The following ADAM17 variants were observed in gnomAD, a reference collection of about 807,000 sequenced individuals.
ADAM17 encodes ADAM metallopeptidase domain 17, also known as disintegrin and metalloproteinase domain-containing protein 17.
A neutral mutation model predicts 96.7 loss-of-function variants in ADAM17; 39 were observed. The ratio of observed to expected loss-of-function variants is 0.40; its 90% confidence interval spans 0.31 to 0.53. ADAM17 has a LOEUF of 0.53. ADAM17 is among the 20% of genes least tolerant of loss of function. The pLI is 0.44. For synonymous variants in ADAM17, 344 were observed against 359.2 expected (o/e 0.96, Z 0.48); for missense variants, 777 against 1,013.2 (o/e 0.77, Z 3.17).
chr2:9,495,711 C>CA (rs367778507), intron 14 of ADAM17, among the ~76,000 whole-genome samples: 20,002 of 140,334 alleles, frequency 0.14, 3,918 homozygotes, highest in African/African-American at 0.44. Flanking sequence ...GACTCCATCT[C>CA]AAAAAAAAAA....
chr2:9,502,709 T>C (rs895914571), intron 12 of ADAM17, among the ~76,000 whole-genome samples: 2 of 151,474 alleles, frequency 1.3e-5, no homozygotes, highest in African/African-American at 4.9e-5. Flanking sequence ...TGAAACCCCA[T>C]CTCTACTAAA....
chr2:9,535,046 A>G, intron 4 of ADAM17, among the ~76,000 whole-genome samples: 1 of 152,236 alleles, frequency 6.6e-6, no homozygotes, highest in East Asian at 1.9e-4. Context: ...CTTTTTCACA[A>G]TAATGGACAG....
intron 8 of ADAM17, among the ~76,000 whole-genome samples, chr2:9,518,488 C>T (rs946806090): frequency 6.6e-6 from 1 of 152,066 alleles, no homozygotes; most frequent in African/African-American, 2.4e-5. Context: ...GGGAATAGTT[C>T]GGGAGCTTGC....
Position 9,488,554 on chromosome 2 carries a change from T to A in ADAM17, c.*1623A>T. Reference sequence around the variant, plus strand: ...GCTATAAAATATACCCTGAGCAGCTTGTTAATTCTATAAATGACAAAGACT... The same window carrying A: ...GCTATAAAATATACCCTGAGCAGCTAGTTAATTCTATAAATGACAAAGACT... On this transcript the variant is annotated 3_prime_UTR_variant, in exon 19 of 19. Coordinates refer to ENST00000310823, the MANE Select transcript of ADAM17 (RefSeq NM_003183.6). 1 of 367,328 alleles carries A rather than the reference T, an allele frequency of 2.7e-6. No homozygotes were observed. Among genetic ancestry groups the A allele is most frequent in the East Asian group, 4.1e-5 (1 of 24,302 alleles). The allele number at this position is 367,328 out of a possible 1,614,324, so 22.8% of individuals were successfully genotyped here.
intron 4 of ADAM17, among the ~76,000 whole-genome samples, chr2:9,535,196 AG>A (rs1406213603): frequency 5.3e-5 from 8 of 152,216 alleles, no homozygotes; most frequent in African/African-American, 1.9e-4. Context: ...GTTTTCCCAC[AG>A]GTGATCTATT....
rs529624589 is a variant in ADAM17 at position 9,541,458 on chromosome 2, G to A, written c.230+1695C>T. On this transcript the variant is annotated intron_variant, in intron 2 of 18. Coordinates refer to ENST00000310823, the MANE Select transcript of ADAM17 (RefSeq NM_003183.6). ...GGCTCCTGTAATCCCAGCTACTCGG[G>A]AAGCTGAGGCAGGAGAACTGCTTGA... 2.6e-5 allele frequency among the ~76,000 whole-genome samples: 4 copies of A among 152,246 alleles called. No homozygotes were observed. In the East Asian group the frequency reaches 7.8e-4, roughly 30 times the overall value.
rs552450601 is a variant in ADAM17, at chr2:9,535,928, G to A, written c.362-6C>T. 7.6e-5 allele frequency: 114 copies of A among 1,498,972 alleles called. 1 individual carries two copies. The South Asian group carries it at 1.5e-3, about 19-fold the overall frequency. 92.9% of individuals were successfully genotyped at this position (1,498,972 alleles called of 1,614,324 possible). ...AACCCTAGAGTCAGGCTCACCTTAAGAGAAAAAAAAAATTATTATTTAAAA... is the reference window on the plus strand; with the variant it reads ...AACCCTAGAGTCAGGCTCACCTTAAAAGAAAAAAAAAATTATTATTTAAAA... On this transcript the variant is annotated splice_polypyrimidine_tract_variant and splice_region_variant and intron_variant, in intron 3 of 18. Transcript: ENST00000310823.
chr2:9,514,382 A>G (rs1338212848), intron 10 of ADAM17, among the ~76,000 whole-genome samples: 177 of 138,658 alleles, frequency 1.3e-3, no homozygotes, highest in African/African-American at 4.5e-3. Context: ...GGGAAGGGGG[A>G]AGGGATAGCA....
chr2:9,500,400 G>C (rs1174090481), intron 13 of ADAM17, among the ~76,000 whole-genome samples: 2 of 152,178 alleles, frequency 1.3e-5, no homozygotes, highest in Non-Finnish European at 2.9e-5. Context: ...TCTGAGTTGT[G>C]GGGAATGGGG....
intron 10 of ADAM17, among the ~76,000 whole-genome samples, chr2:9,516,605 T>G (rs1664070887): frequency 6.6e-6 from 1 of 151,850 alleles, no homozygotes; most frequent in East Asian, 1.9e-4. Flanking sequence ...ATACAAAAAT[T>G]AGCCAGGCGT....
chr2:9,491,695 C>T (rs1662165829), intron 17 of ADAM17, among the ~76,000 whole-genome samples: 1 of 152,242 alleles, frequency 6.6e-6, no homozygotes, highest in South Asian at 2.1e-4. Flanking sequence ...ACATGGCCAT[C>T]TGCTGCCCCA....
intron 5 of ADAM17, among the ~76,000 whole-genome samples, chr2:9,526,750 T>C (rs989829708): frequency 4.0e-5 from 6 of 151,736 alleles, no homozygotes; most frequent in Non-Finnish European, 5.9e-5. Context: ...GAGCCAAGAT[T>C]GTGCCATTGC....
At chr2:9,550,573 G>A (rs1665558084) in intron 1 of ADAM17, among the ~76,000 whole-genome samples, 1 of 150,066 alleles carries the variant, frequency 6.7e-6, no homozygotes, top group Non-Finnish European at 1.5e-5. Flanking sequence ...AGTCTCCCCA[G>A]TAGCTGGGAT....
chr2:9,530,991 CCT>C (rs1664716583), intron 4 of ADAM17, among the ~76,000 whole-genome samples: 1 of 151,882 alleles, frequency 6.6e-6, no homozygotes. Flanking sequence ...AGAGTTTCAC[CCT>C]GTCACCCACA....
intron 10 of ADAM17, among the ~76,000 whole-genome samples, chr2:9,514,527 ATATATATATATATAT>A (rs2125014099): frequency 1.5e-4 from 1 of 6,540 alleles, no homozygotes; most frequent in South Asian, 2.2e-3. Flanking sequence ...AAATATATAT[ATATATATATATATAT>A]ATATATATAT....
chr2:9,499,249 G>A (rs991738648), intron 13 of ADAM17, among the ~76,000 whole-genome samples: 7 of 151,590 alleles, frequency 4.6e-5, no homozygotes, highest in Non-Finnish European at 1.0e-4. Flanking sequence ...TGTTTGATAA[G>A]AACAAACGTT....
At chr2:9,526,766 A>C (rs1664548970) in intron 5 of ADAM17, among the ~76,000 whole-genome samples, 1 of 152,138 alleles carries the variant, frequency 6.6e-6, no homozygotes, top group South Asian at 2.1e-4. Context: ...ATTGCACTCA[A>C]GCCAGGGCGA....
chr2:9,515,071 C>G (rs1010743492), intron 10 of ADAM17, among the ~76,000 whole-genome samples: 1 of 152,134 alleles, frequency 6.6e-6, no homozygotes, highest in Admixed American at 6.6e-5. Flanking sequence ...ACTCTTTGTG[C>G]TGTATATTCT....
intron 8 of ADAM17, among the ~76,000 whole-genome samples, chr2:9,520,313 C>G (rs1664253347): frequency 6.6e-6 from 1 of 152,188 alleles, no homozygotes; most frequent in Non-Finnish European, 1.5e-5. Flanking sequence ...CACACACAAA[C>G]TCAAGACACT....
Sources: gnomAD v4.1 joint callset for allele counts (sites outside exome capture counted in the v4.1 genomes callset) on GRCh38, gnomAD v4.1.1 for gene constraint, MANE v1.5 for transcripts, NCBI Gene and HGNC (gene_info 2026-07-23, HGNC 2026-07-21) for gene names.